Variants in ANKS1B observed in about 807,000 individuals in gnomAD.
The protein encoded by ANKS1B is ankyrin repeat and sterile alpha motif domain-containing protein 1B.
In ANKS1B, 36 loss-of-function variants were observed where a neutral mutation model predicts 148.3. That is an observed-to-expected ratio of 0.24 (90% CI 0.19 to 0.32). The LOEUF (loss-of-function observed/expected upper bound fraction) is 0.32, where lower values mean the gene tolerates loss of function less well. Ranked by LOEUF, ANKS1B falls within the 10% of genes least tolerant of loss-of-function variation. ANKS1B has a pLI of 1.00. For synonymous variants in ANKS1B, 542 were observed against 560.8 expected, an observed-to-expected ratio of 0.97 and a Z score of 0.47; for missense variants, 1,157 against 1,542.6, an observed-to-expected ratio of 0.75 and a Z score of 4.19.
chr12:99,550,191 C>G (rs1308834866), intron 9 of ANKS1B, among the ~76,000 whole-genome samples: 6 of 152,170 alleles, frequency 3.9e-5, no homozygotes, highest in Non-Finnish European at 8.8e-5. Context: ...TAACATTTCT[C>G]TCAGTGTCTT....
chr12:98,747,533 G>A (rs1270868803), intron 26 of ANKS1B, among the ~76,000 whole-genome samples: 2 of 152,208 alleles, frequency 1.3e-5, no homozygotes, highest in Non-Finnish European at 2.9e-5. Context: ...AGGCACTATG[G>A]AGAATAGCAT....
intron 1 of ANKS1B, among the ~76,000 whole-genome samples, chr12:99,868,648 A>T (rs140571371): frequency 2.0e-3 from 310 of 151,524 alleles, no homozygotes; most frequent in African/African-American, 7.1e-3. Context: ...ATCAGCAGTT[A>T]AAAAAAAAGT....
chr12:99,297,818 C>A (rs1034748190), intron 12 of ANKS1B, among the ~76,000 whole-genome samples: 22 of 152,104 alleles, frequency 1.4e-4, no homozygotes, highest in Admixed American at 1.4e-3. Context: ...TTCCCACTGG[C>A]AACATGGTAA....
chr12:99,148,904 A>G (rs2074057687), intron 15 of ANKS1B, among the ~76,000 whole-genome samples: 1 of 152,112 alleles, frequency 6.6e-6, no homozygotes. Flanking sequence ...AGAAAACTAT[A>G]GCTGTACTTT....
chr12:98,817,537 A>C (rs975080159), intron 19 of ANKS1B, among the ~76,000 whole-genome samples: 1 of 152,198 alleles, frequency 6.6e-6, no homozygotes, highest in African/African-American at 2.4e-5. Context: ...CCTGCCCACC[A>C]TCGGAGACAG....
At chr12:99,201,289 C>T (rs750243648) in intron 14 of ANKS1B, among the ~76,000 whole-genome samples, 56 of 151,686 alleles carry the variant, frequency 3.7e-4, no homozygotes, top group South Asian at 1.5e-3. Context: ...ATGACAGTGA[C>T]AGACTGTCTT....
chr12:99,524,403 C>A (rs1268356814), intron 9 of ANKS1B, among the ~76,000 whole-genome samples: 1 of 152,064 alleles, frequency 6.6e-6, no homozygotes, highest in Admixed American at 6.5e-5. Context: ...GCAAAAGGAA[C>A]TTTGCAGATG....
At chr12:98,818,154 TCC>T (rs1174749880) in intron 19 of ANKS1B, among the ~76,000 whole-genome samples, 6,755 of 68,684 alleles carry the variant, frequency 0.098, 281 homozygotes, top group African/African-American at 0.23. Context: ...CCTCCCTCCC[TCC>T]TTCCCTCCCT....
chr12:99,330,525 T>C (rs1337791866), intron 12 of ANKS1B, among the ~76,000 whole-genome samples: 1 of 152,030 alleles, frequency 6.6e-6, no homozygotes, highest in African/African-American at 2.4e-5. Flanking sequence ...AAACAAATAT[T>C]ACATTTCCCT....
At chr12:99,964,693 G>T (rs550268731) in intron 1 of ANKS1B, among the ~76,000 whole-genome samples, 2 of 152,360 alleles carry the variant, frequency 1.3e-5, no homozygotes, top group East Asian at 3.9e-4. Context: ...CAAACAGAAT[G>T]AGAGGGCATC....
chr12:98,807,580 G>A (rs2099060719), intron 20 of ANKS1B, among the ~76,000 whole-genome samples: 1 of 152,014 alleles, frequency 6.6e-6, no homozygotes, highest in African/African-American at 2.4e-5. Context: ...ACAGACGCCT[G>A]GAATGAAAGC....
Position 98,887,454 on chromosome 12 carries a change from A to G in ANKS1B, c.2779-55318T>C, listed in dbSNP as rs1004460066. ...CCAAATTATATAACCTTCCCACAGAAATCTTGATCCACTCCTGATCAAACC... is the reference window on the plus strand; with the variant it reads ...CCAAATTATATAACCTTCCCACAGAGATCTTGATCCACTCCTGATCAAACC... On this transcript the variant is annotated intron_variant, in intron 17 of 26. Coordinates refer to ENST00000683438, the MANE Select transcript of ANKS1B (RefSeq NM_001352186.2). Among the ~76,000 whole-genome samples, 3 of 152,280 alleles carry G rather than the reference A, an allele frequency of 2.0e-5. No homozygotes were observed. In the South Asian group the frequency reaches 6.2e-4, roughly 32 times the overall value.
At chr12:99,080,714 A>G (rs886695219) in intron 16 of ANKS1B, among the ~76,000 whole-genome samples, 1 of 152,240 alleles carries the variant, frequency 6.6e-6, no homozygotes, top group Non-Finnish European at 1.5e-5. Context: ...AGGATTATCC[A>G]AAGACTTGGC....
intron 8 of ANKS1B, among the ~76,000 whole-genome samples, chr12:99,738,670 A>C (rs915699235): frequency 7.2e-5 from 11 of 152,214 alleles, no homozygotes; most frequent in African/African-American, 2.7e-4. Flanking sequence ...ACTACAAAGA[A>C]TAACATTCTC....
At chr12:99,604,205 T>C (rs1254420233) in intron 9 of ANKS1B, among the ~76,000 whole-genome samples, 1 of 152,002 alleles carries the variant, frequency 6.6e-6, no homozygotes, top group African/African-American at 2.4e-5. Context: ...TTTAACATAA[T>C]AACCAAAAAT....
At chr12:99,376,119 T>C (rs1019541930) in intron 12 of ANKS1B, among the ~76,000 whole-genome samples, 2 of 152,226 alleles carry the variant, frequency 1.3e-5, no homozygotes, top group Admixed American at 6.5e-5. Flanking sequence ...ACTTTAGTGT[T>C]TGCTTAATGG....
intron 9 of ANKS1B, among the ~76,000 whole-genome samples, chr12:99,577,512 C>T (rs1045088623): frequency 6.6e-6 from 1 of 151,128 alleles, no homozygotes; most frequent in Non-Finnish European, 1.5e-5. Flanking sequence ...AGAGAAGATC[C>T]AAATAAAAAC....
chr12:99,125,154 T>C (rs771271922), intron 15 of ANKS1B, among the ~76,000 whole-genome samples: 11 of 151,864 alleles, frequency 7.2e-5, no homozygotes, highest in South Asian at 2.1e-4. Context: ...GAGGGGAAAA[T>C]TGATGATGTG....
intron 17 of ANKS1B, among the ~76,000 whole-genome samples, chr12:99,047,741 G>A (rs2099963443): frequency 6.6e-6 from 1 of 152,118 alleles, no homozygotes; most frequent in Admixed American, 6.5e-5. Flanking sequence ...CATGAATGAA[G>A]GCAAAATGAA....
Sources: allele counts gnomAD v4.1 joint callset (sites outside exome capture counted in the v4.1 genomes callset), GRCh38; gene constraint gnomAD v4.1.1; transcripts MANE v1.5; gene names NCBI Gene and HGNC (gene_info 2026-07-23, HGNC 2026-07-21).